The following HMGXB4 variants were observed in gnomAD, a reference collection of about 807,000 sequenced individuals.
HMGXB4 encodes HMG-box containing 4.
HMGXB4 carries 27 observed loss-of-function variants against 63.9 expected under a neutral mutation model. That is an observed-to-expected ratio of 0.42 (90% CI 0.31 to 0.58). HMGXB4 has a LOEUF of 0.58. Ranked by LOEUF, HMGXB4 falls within the 20% of genes least tolerant of loss-of-function variation. HMGXB4 has a pLI of 0.13. For missense variants in HMGXB4, 624 were observed against 700.7 expected, an observed-to-expected ratio of 0.89 and a Z score of 1.24; for synonymous variants, 264 against 265.3, an observed-to-expected ratio of 0.99 and a Z score of 0.05.
At chr22:35,256,741 TCCACCCACCTCAG>T (rs1245258643), upstream of HMGXB4, among the ~76,000 whole-genome samples, 2 of 152,166 alleles carry the variant, frequency 1.3e-5, no homozygotes, top group Admixed American at 1.3e-4. Context: ...CCTCAGGTGA[TCCACCCACCTCAG>T]CCTCCCAAAG....
At chr22:35,263,763 T>C in intron 3 of HMGXB4, 33 bp from the exon 4 acceptor site, 2 of 1,488,820 alleles carry the variant, frequency 1.3e-6, no homozygotes, top group Non-Finnish European at 1.9e-6. Context: ...TGCCTCATCA[T>C]CTTATTATTG....
At chr22:35,261,703 A>G (rs1246088923) in intron 1 of HMGXB4, among the ~76,000 whole-genome samples, 1 of 152,204 alleles carries the variant, frequency 6.6e-6, no homozygotes, top group Non-Finnish European at 1.5e-5. Flanking sequence ...GACAGCTGTC[A>G]TATGGTCAAC....
chr22:35,281,115 C>T (rs1021858909), intron 5 of HMGXB4, among the ~76,000 whole-genome samples: 1 of 152,044 alleles, frequency 6.6e-6, no homozygotes, highest in Non-Finnish European at 1.5e-5. Flanking sequence ...TTTTCTACTA[C>T]CTTTGAAATC....
intron 9 of HMGXB4, among the ~76,000 whole-genome samples, chr22:35,290,803 C>T (rs1425895435): frequency 6.6e-6 from 1 of 151,998 alleles, no homozygotes; most frequent in Non-Finnish European, 1.5e-5. Flanking sequence ...TTTAAATAAA[C>T]TTGTCTGTGC....
the HMGXB4 span, among the ~76,000 whole-genome samples, chr22:35,243,982 G>GT: frequency 1.4e-4 from 22 of 152,030 alleles, no homozygotes; most frequent in Non-Finnish European, 2.2e-4. Flanking sequence ...TGCTTTCAAG[G>GT]TTTTTTTTGT....
chr22:35,264,459 G>C (rs1923059907), intron 4 of HMGXB4, among the ~76,000 whole-genome samples, 189 bp from the exon 5 acceptor site: 1 of 152,184 alleles, frequency 6.6e-6, no homozygotes, highest in African/African-American at 2.4e-5. Flanking sequence ...CAGGGTCAGA[G>C]GCAGACTCTA....
chr22:35,263,734 A>G, intron 3 of HMGXB4, 62 bp from the exon 4 acceptor site: 2 of 1,085,860 alleles, frequency 1.8e-6, no homozygotes, highest in South Asian at 1.3e-5. Context: ...CAAAGACAAG[A>G]GTGGTTACAA....
rs1021293645 is a variant in HMGXB4, at chr22:35,293,770, C to T, written c.*119C>T. 2 of 619,246 alleles carry T rather than the reference C, an allele frequency of 3.2e-6. No homozygotes were observed. Among genetic ancestry groups the T allele is most frequent in the Non-Finnish European group, 5.8e-6 (2 of 347,228 alleles). The allele number at this position is 619,246 out of a possible 1,614,324, so 38.4% of individuals were successfully genotyped here. On this transcript the variant is annotated 3_prime_UTR_variant, in exon 11 of 11. Coordinates refer to ENST00000216106, the MANE Select transcript of HMGXB4 (RefSeq NM_001003681.3). ...TAGGTTTTAAATTTTTATATCTATA[C>T]ATACATATATACATATATATATAAT...
intron 9 of HMGXB4, among the ~76,000 whole-genome samples, chr22:35,290,547 C>G (rs1352683168): frequency 6.8e-6 from 1 of 147,238 alleles, no homozygotes; most frequent in South Asian, 2.2e-4. Context: ...AGGAGAATGG[C>G]GTGAACCCAG....
At chr22:35,268,177 C>T (rs1030202556) in intron 5 of HMGXB4, among the ~76,000 whole-genome samples, 1 of 152,204 alleles carries the variant, frequency 6.6e-6, no homozygotes, top group African/African-American at 2.4e-5. Context: ...GTGATCAAAC[C>T]TCTATCAAGA....
At position 35,264,667 on chromosome 22, in the gene HMGXB4, G is replaced by A. The variant is rs766443392; in HGVS notation, c.279G>A (p.Ser93=). The A allele has an allele frequency of 6.3e-5, 99 of 1,571,192 alleles. No individual in the cohort carries two copies. Among genetic ancestry groups the A allele is most frequent in the Non-Finnish European group, 7.2e-5 (84 of 1,162,298 alleles). Reference sequence around the variant, plus strand: ...TTCTAGATATTTCGTCTTTGGAATCGTCACAGAAGAAAAAGAAAAAGTCCA... The same window carrying A: ...TTCTAGATATTTCGTCTTTGGAATCATCACAGAAGAAAAAGAAAAAGTCCA... The part of the protein sequence containing the change: ...YYYGDISSLE[S]SQKKKKKSSP... The change falls in exon 5 of 11, where the codon TCG becomes TCA. Residue 93 remains serine (S), a synonymous_variant. Coordinates refer to ENST00000216106, the MANE Select transcript of HMGXB4 (RefSeq NM_001003681.3).
At chr22:35,263,896 A>G in intron 4 of HMGXB4, 22 bp downstream of exon 4, 1 of 1,607,994 alleles carries the variant, frequency 6.2e-7, no homozygotes, top group Non-Finnish European at 8.5e-7. Context: ...AATGGGCAAC[A>G]GGTGGGATAA....
At chr22:35,276,246 A>G (rs1923906733) in intron 5 of HMGXB4, among the ~76,000 whole-genome samples, 1 of 152,230 alleles carries the variant, frequency 6.6e-6, no homozygotes, top group South Asian at 2.1e-4. Flanking sequence ...AAGGCTCTAC[A>G]TTGAAGGCTG....
intron 8 of HMGXB4, among the ~76,000 whole-genome samples, chr22:35,287,978 T>C (rs557516518): frequency 1.3e-5 from 2 of 152,226 alleles, no homozygotes; most frequent in South Asian, 4.1e-4. Context: ...GAGTAAATAT[T>C]ATAGGCCTTG....
rs142251616 is a variant in HMGXB4 at position 35,284,133 on chromosome 22, A to G, written c.1297+90A>G. ...TTTCTTCTTCCTGTAGCATTAGAGC[A>G]TAAATCTTGTTTCTTTCCTCAGTTC... On this transcript the variant is annotated intron_variant, in intron 6 of 10. Coordinates refer to ENST00000216106, the MANE Select transcript of HMGXB4 (RefSeq NM_001003681.3). 342 of 921,826 alleles carry G rather than the reference A, an allele frequency of 3.7e-4. 2 individuals carry two copies. In the East Asian group the frequency reaches 5.9e-3, roughly 16 times the overall value. 57.1% of individuals were successfully genotyped at this position (921,826 alleles called of 1,614,324 possible). A position where few individuals can be genotyped will look rare whatever the true frequency, so the allele number is the denominator to read the frequency against.
chr22:35,263,216 AGAAGTT>A lies in HMGXB4; in HGVS notation c.175_180del (p.Leu59_Lys60del), dbSNP rs1922974987. 1 of 1,612,188 alleles carries A rather than the reference AGAAGTT, an allele frequency of 6.2e-7. No homozygotes were observed. Among genetic ancestry groups the A allele is most frequent in the South Asian group, 1.1e-5 (1 of 90,856 alleles). On this transcript the variant is annotated inframe_deletion, in exon 3 of 11. Transcript: ENST00000216106. ...GCTCAGGTCAGGAATTCTTCCAAGAAGAAGTTGAAGGTAAGTCCTGAAAATTTAAAT... is the reference window on the plus strand; with the variant it reads ...GCTCAGGTCAGGAATTCTTCCAAGAAGAAGGTAAGTCCTGAAAATTTAAAT...
intron 9 of HMGXB4, among the ~76,000 whole-genome samples, chr22:35,290,133 T>C (rs1008339149): frequency 3.9e-5 from 6 of 152,340 alleles, no homozygotes; most frequent in Admixed American, 3.3e-4. Context: ...TCTATGACCT[T>C]ACTTATTTTT....
intron 5 of HMGXB4, among the ~76,000 whole-genome samples, chr22:35,283,092 T>G (rs1214133101): frequency 5.3e-5 from 8 of 152,240 alleles, no homozygotes; most frequent in African/African-American, 1.9e-4. Flanking sequence ...TGACAGTGAC[T>G]ACCAAAGAAT....
chr22:35,264,577 T>C (rs1160049718), intron 4 of HMGXB4, 71 bp from the exon 5 acceptor site: 1 of 1,085,416 alleles, frequency 9.2e-7, no homozygotes, highest in Non-Finnish European at 1.3e-6. Flanking sequence ...CTAGGTGCTT[T>C]TGATGAGAGA....
Sources: gnomAD v4.1 joint callset for allele counts (sites outside exome capture counted in the v4.1 genomes callset) on GRCh38, gnomAD v4.1.1 for gene constraint, MANE v1.5 for transcripts, NCBI Gene and HGNC (gene_info 2026-07-23, HGNC 2026-07-21) for gene names.